RFX4: variants seen among roughly 807,000 people sequenced by gnomAD.
RFX4 encodes regulatory factor X4, also known as transcription factor RFX4.
In RFX4, 10 loss-of-function variants were observed where a neutral mutation model predicts 95.0. That is an observed-to-expected ratio of 0.11 (90% CI 0.06 to 0.18). The LOEUF (loss-of-function observed/expected upper bound fraction) is 0.18, where lower values mean the gene tolerates loss of function less well. Ranked by LOEUF, RFX4 falls within the 10% of genes least tolerant of loss-of-function variation. The probability of loss-of-function intolerance (pLI) is 1.00; values close to 1 mark genes in which losing one functional copy is unlikely to be tolerated. For synonymous variants in RFX4, 321 were observed against 340.7 expected (o/e 0.94, Z 0.64); for missense variants, 640 against 922.0 (o/e 0.69, Z 3.96).
intron 15 of RFX4, 66 bp from the exon 16 acceptor site, chr12:106,747,371 A>G (rs1221671312): frequency 1.3e-6 from 2 of 1,560,598 alleles, no homozygotes; most frequent in South Asian, 1.2e-5. Context: ...GGAAGCCACT[A>G]AAGTAAGGAA....
intron 3 of RFX4, among the ~76,000 whole-genome samples, chr12:106,647,352 C>T (rs567141052): frequency 6.4e-4 from 97 of 152,282 alleles, no homozygotes; most frequent in Admixed American, 1.2e-3. Flanking sequence ...CTTCCTTGGC[C>T]CTCCATTTCT....
At chr12:106,584,481 C>T (rs2039422232) in intron 1 of RFX4, among the ~76,000 whole-genome samples, 1 of 152,130 alleles carries the variant, frequency 6.6e-6, no homozygotes, top group Non-Finnish European at 1.5e-5. Flanking sequence ...GCATAAGCTG[C>T]TGAGCATTGC....
chr12:106,683,998 A>G (rs2041588458), intron 5 of RFX4, among the ~76,000 whole-genome samples: 1 of 152,232 alleles, frequency 6.6e-6, no homozygotes, highest in Non-Finnish European at 1.5e-5. Context: ...AAAGGCAGTA[A>G]GAAGCTCTTG....
At chr12:106,627,997 G>A (rs1192648856) in intron 2 of RFX4, among the ~76,000 whole-genome samples, 3 of 152,212 alleles carry the variant, frequency 2.0e-5, no homozygotes, top group African/African-American at 7.2e-5. Context: ...TGCCCCCATG[G>A]GGTGTCTGCT....
At chr12:106,667,970 T>C (rs2041210326) in intron 4 of RFX4, among the ~76,000 whole-genome samples, 2 of 152,294 alleles carry the variant, frequency 1.3e-5, no homozygotes, top group Admixed American at 1.3e-4. Context: ...ATAAAGTCGA[T>C]CCTAGGTGGA....
At chr12:106,700,513 T>C (rs1481007041) in intron 8 of RFX4, among the ~76,000 whole-genome samples, 2 of 150,018 alleles carry the variant, frequency 1.3e-5, no homozygotes, top group African/African-American at 4.9e-5. Flanking sequence ...TTCACGCCAT[T>C]CTCCTGCCTC....
intron 4 of RFX4, among the ~76,000 whole-genome samples, chr12:106,659,255 A>C (rs909089232): frequency 1.3e-5 from 2 of 151,922 alleles, no homozygotes; most frequent in African/African-American, 4.8e-5. Flanking sequence ...TGGCTTGGGG[A>C]CCCACAGTGA....
chr12:106,742,063 G>A (rs1173601656), intron 15 of RFX4, among the ~76,000 whole-genome samples: 1 of 152,096 alleles, frequency 6.6e-6, no homozygotes, highest in Non-Finnish European at 1.5e-5. Context: ...GGACCCCTGG[G>A]TTAAAGGATT....
chr12:106,683,132 T>C (rs551098644), intron 5 of RFX4: 2 of 152,178 alleles, frequency 1.3e-5, no homozygotes, highest in African/African-American at 4.8e-5. Context: ...GGCAACCATA[T>C]AGGACTTTTA....
At chr12:106,588,230 T>A (rs1324913176) in intron 1 of RFX4, among the ~76,000 whole-genome samples, 1 of 152,230 alleles carries the variant, frequency 6.6e-6, no homozygotes, top group Non-Finnish European at 1.5e-5. Context: ...TGAACAACTC[T>A]TTTTAAAGGC....
intron 15 of RFX4, among the ~76,000 whole-genome samples, chr12:106,737,839 C>T (rs528192457): frequency 7.2e-5 from 11 of 152,224 alleles, no homozygotes; most frequent in African/African-American, 2.6e-4. Flanking sequence ...GATTTGAGAT[C>T]GCCGTATTTG....
At chr12:106,601,329 G>C (rs762546225) in intron 1 of RFX4, 1 of 1,588,232 alleles carries the variant, frequency 6.3e-7, no homozygotes, top group African/African-American at 1.3e-5. Flanking sequence ...ACCAGGCCTC[G>C]ACGGCGCCGT....
At chr12:106,730,110 G>A (rs760961776) in intron 13 of RFX4, among the ~76,000 whole-genome samples, 5 of 152,180 alleles carry the variant, frequency 3.3e-5, no homozygotes, top group Non-Finnish European at 5.9e-5. Context: ...AGGGGGTCAT[G>A]TTCATGACCT....
At chr12:106,700,193 G>T (rs1213534897) in intron 8 of RFX4, among the ~76,000 whole-genome samples, 1 of 151,844 alleles carries the variant, frequency 6.6e-6, no homozygotes, top group Non-Finnish European at 1.5e-5. Context: ...CACTAAGCCT[G>T]GCTAATTTTT....
intron 4 of RFX4, among the ~76,000 whole-genome samples, chr12:106,661,440 A>T (rs950727114): frequency 3.3e-5 from 5 of 152,114 alleles, no homozygotes; most frequent in Non-Finnish European, 5.9e-5. Context: ...TTGTACAGAG[A>T]TTTCTCATAT....
At chr12:106,759,775 TC>T (rs1363634119) in intron 17 of RFX4, among the ~76,000 whole-genome samples, 14 of 152,176 alleles carry the variant, frequency 9.2e-5, no homozygotes, top group African/African-American at 2.9e-4. Context: ...TCTCCCTCTT[TC>T]CTAACTGTTC....
At chr12:106,742,244 T>C (rs2042820045) in intron 15 of RFX4, among the ~76,000 whole-genome samples, 2 of 152,208 alleles carry the variant, frequency 1.3e-5, no homozygotes, top group Admixed American at 1.3e-4. Context: ...TGGAGTGTAG[T>C]GGCGTGAGCA....
chr12:106,707,254 C>T (rs1241683989), intron 8 of RFX4, among the ~76,000 whole-genome samples: 1 of 152,078 alleles, frequency 6.6e-6, no homozygotes, highest in Non-Finnish European at 1.5e-5. Context: ...AGAAAAGAAG[C>T]AGGTCCAAGG....
chr12:106,646,022 A>C (rs1241792833), intron 3 of RFX4: 4 of 1,121,072 alleles, frequency 3.6e-6, no homozygotes, highest in Non-Finnish European at 4.8e-6. Flanking sequence ...ACTTTTTTTA[A>C]AAAAAGTATT....
Sources: allele counts gnomAD v4.1 joint callset (sites outside exome capture counted in the v4.1 genomes callset), GRCh38; gene constraint gnomAD v4.1.1; transcripts MANE v1.5; gene names NCBI Gene and HGNC (gene_info 2026-07-23, HGNC 2026-07-21).